The following PIK3C2A variants were observed in gnomAD, a reference collection of about 807,000 sequenced individuals.
PIK3C2A encodes phosphatidylinositol-4-phosphate 3-kinase catalytic subunit type 2 alpha.
In PIK3C2A, 97 loss-of-function variants were observed where a neutral mutation model predicts 204.5. The ratio of observed to expected loss-of-function variants is 0.47; its 90% confidence interval spans 0.40 to 0.56. The LOEUF (loss-of-function observed/expected upper bound fraction) is 0.56. Ranked by LOEUF, PIK3C2A falls within the 20% of genes least tolerant of loss-of-function variation. The pLI is 0.00. For synonymous variants in PIK3C2A, 653 were observed against 664.4 expected (o/e 0.98, Z 0.26); for missense variants, 1,735 against 1,969.2 (o/e 0.88, Z 2.25).
intron 3 of PIK3C2A, among the ~76,000 whole-genome samples, chr11:17,154,558 T>C (rs1427531179): frequency 2.6e-5 from 4 of 152,200 alleles, no homozygotes; most frequent in Admixed American, 2.6e-4. Flanking sequence ...TCTACTTCCC[T>C]TTTTTAGATA....
chr11:17,148,451 G>T, intron 5 of PIK3C2A: 1 of 496,474 alleles, frequency 2.0e-6, no homozygotes, highest in East Asian at 3.4e-5. Context: ...GCTCCTTAAG[G>T]GAATACAATG....
At chr11:17,206,827 A>AT (rs533124275) in intron 1 of PIK3C2A, among the ~76,000 whole-genome samples, 1 of 152,076 alleles carries the variant, frequency 6.6e-6, no homozygotes, top group Non-Finnish European at 1.5e-5. Flanking sequence ...AGATTTAAAA[A>AT]TTTTCCCAAC....
chr11:17,093,087 C>T (rs181135764), intron 28 of PIK3C2A, among the ~76,000 whole-genome samples: 22 of 152,246 alleles, frequency 1.4e-4, no homozygotes, highest in Non-Finnish European at 2.2e-4. Context: ...AAACTGTACA[C>T]GGAAACAAAC....
chr11:17,097,802 T>A (rs528115179), intron 26 of PIK3C2A, among the ~76,000 whole-genome samples: 1 of 152,194 alleles, frequency 6.6e-6, no homozygotes, highest in East Asian at 1.9e-4. Context: ...TAATCCCAGC[T>A]ACTCGGGAGG....
intron 15 of PIK3C2A, 102 bp downstream of exon 15, chr11:17,122,086 G>T: frequency 1.5e-6 from 1 of 645,166 alleles, no homozygotes; most frequent in Non-Finnish European, 2.6e-6. Context: ...CACCAAGAAA[G>T]CTGATAAATC....
chr11:17,109,944 T>G (rs1565246838), intron 22 of PIK3C2A, among the ~76,000 whole-genome samples: 1 of 152,168 alleles, frequency 6.6e-6, no homozygotes, highest in African/African-American at 2.4e-5. Context: ...TACACTAGGT[T>G]AAAAAAATTT....
chr11:17,190,878 G>C (rs1412470197), intron 1 of PIK3C2A, among the ~76,000 whole-genome samples: 2 of 152,068 alleles, frequency 1.3e-5, no homozygotes, highest in Non-Finnish European at 2.9e-5. Context: ...ATGTGTAATT[G>C]GAGTCCAAGA....
At chr11:17,152,012 G>T (rs1321316229) in intron 3 of PIK3C2A, among the ~76,000 whole-genome samples, 3 of 152,174 alleles carry the variant, frequency 2.0e-5, no homozygotes, top group Admixed American at 2.0e-4. Flanking sequence ...CGTTAAGGAT[G>T]ACAAAAGTAA....
intron 1 of PIK3C2A, among the ~76,000 whole-genome samples, chr11:17,203,702 G>A (rs1055821328): frequency 6.6e-6 from 1 of 152,124 alleles, no homozygotes; most frequent in South Asian, 2.1e-4. Context: ...TTTTGAGACA[G>A]TGTCTCACTC....
At chr11:17,129,258 T>C (rs773726874) in intron 13 of PIK3C2A, 42 bp downstream of exon 13, 4 of 1,511,166 alleles carry the variant, frequency 2.6e-6, no homozygotes, top group Non-Finnish European at 3.7e-6. Context: ...GATGTGCAGA[T>C]GTGTCCACAG....
Position 17,105,065 on chromosome 11 carries a change from A to T in PIK3C2A, c.3681+104T>A, listed in dbSNP as rs923507180. The T allele has an allele frequency of 3.7e-6, 3 of 816,824 alleles. No individual in the cohort carries two copies. In the African/African-American group the frequency reaches 5.2e-5, roughly 14 times the overall value. The allele number at this position is 816,824 out of a possible 1,614,324, so 50.6% of individuals were successfully genotyped here. A position where few individuals can be genotyped will look rare whatever the true frequency, so the allele number is the denominator to read the frequency against. On this transcript the variant is annotated intron_variant, in intron 23 of 32. Transcript: ENST00000691414. ...AAAAGATGCTCTTTTCCTGACTTAG[A>T]CTAAATGACTATTTGGTCACCAGAG...
At chr11:17,098,356 A>G (rs1848514094) in intron 26 of PIK3C2A, among the ~76,000 whole-genome samples, 1 of 152,222 alleles carries the variant, frequency 6.6e-6, no homozygotes, top group South Asian at 2.1e-4. Flanking sequence ...AGAAGAGATG[A>G]GAGAGCTAGT....
At chr11:17,145,241 C>T (rs545562704) in intron 8 of PIK3C2A, among the ~76,000 whole-genome samples, 7 of 151,872 alleles carry the variant, frequency 4.6e-5, no homozygotes, top group Non-Finnish European at 7.4e-5. Context: ...GCCAGGGGCA[C>T]AATGATGTGG....
At chr11:17,112,760 T>C in intron 20 of PIK3C2A, 94 bp from the exon 21 acceptor site, 1 of 535,370 alleles carries the variant, frequency 1.9e-6, no homozygotes, top group Non-Finnish European at 3.3e-6. Flanking sequence ...ACTTCTTCCT[T>C]TGTGTCTTGT....
chr11:17,105,882 G>A (rs964938417), intron 22 of PIK3C2A, among the ~76,000 whole-genome samples: 1 of 152,206 alleles, frequency 6.6e-6, no homozygotes, highest in African/African-American at 2.4e-5. Context: ...GCCGAGGTGG[G>A]TGGATCACTT....
chr11:17,102,626 T>C, intron 24 of PIK3C2A, 36 bp downstream of exon 24: 2 of 1,516,022 alleles, frequency 1.3e-6, no homozygotes, highest in Non-Finnish European at 1.8e-6. Flanking sequence ...AAACAGGAAG[T>C]GCCTCATTTC....
intron 1 of PIK3C2A, among the ~76,000 whole-genome samples, chr11:17,182,567 CAA>C (rs11453658): frequency 2.6e-4 from 24 of 91,722 alleles, no homozygotes; most frequent in Middle Eastern, 6.0e-3. Context: ...GACCCTGTCT[CAA>C]AAAAAAAAAA....
rs200397229 is a variant in PIK3C2A at position 17,117,658 on chromosome 11, C to T, written c.3049G>A (p.Ala1017Thr). ...AHNLYWLLKDALHDVQFSTRY... is the reference protein window; with the variant it reads ...AHNLYWLLKDTLHDVQFSTRY... Reference sequence around the variant, plus strand: ...GTACTAAACTGTACATCATGCAGGGCATCTTTGAGAAGCCTAATACAGCAA... The same window carrying T: ...GTACTAAACTGTACATCATGCAGGGTATCTTTGAGAAGCCTAATACAGCAA... Residue 1017 changes from alanine to threonine, a missense_variant, in exon 19 of 33, where the codon GCC becomes ACC. Coordinates refer to ENST00000691414, the MANE Select transcript of PIK3C2A (RefSeq NM_002645.4). 116 of 1,589,548 alleles carry T rather than the reference C, an allele frequency of 7.3e-5. No individual in the cohort carries two copies. Among genetic ancestry groups the T allele is most frequent in the Non-Finnish European group, 9.4e-5 (109 of 1,164,090 alleles).
Position 17,101,761 on chromosome 11 carries a change from G to A in PIK3C2A, c.3852-327C>T, listed in dbSNP as rs530071777. Among the ~76,000 whole-genome samples, 6 of 151,064 alleles carry A rather than the reference G, an allele frequency of 4.0e-5. No homozygotes were observed. The South Asian group carries it at 6.3e-4, about 16-fold the overall frequency. ...CGGGACCACAGGGGCCCGCCACCAC[G>A]CCCGGCTAATTTTTTGTATTTTTAG... On this transcript the variant is annotated intron_variant, in intron 24 of 32. Transcript: ENST00000691414.
Sources: gnomAD v4.1 joint callset for allele counts (sites outside exome capture counted in the v4.1 genomes callset) on GRCh38, gnomAD v4.1.1 for gene constraint, MANE v1.5 for transcripts, NCBI Gene and HGNC (gene_info 2026-07-23, HGNC 2026-07-21) for gene names.